NRG3: variants seen among roughly 807,000 people sequenced by gnomAD.
The protein encoded by NRG3 is pro-neuregulin-3, membrane-bound isoform.
A neutral mutation model predicts 66.9 loss-of-function variants in NRG3; 31 were observed. The observed-to-expected ratio is 0.46, with a 90% CI of 0.35 to 0.63. NRG3 has a LOEUF of 0.63. Among genes scored for constraint, NRG3 ranks in the 20% least tolerant of loss-of-function variants. The pLI, the probability that NRG3 is intolerant of heterozygous loss-of-function variation, is 0.00. For synonymous variants in NRG3, 393 were observed against 359.4 expected, an observed-to-expected ratio of 1.09 and a Z score of -1.06; for missense variants, 910 against 878.9, an observed-to-expected ratio of 1.04 and a Z score of -0.45.
At chr10:82,607,844 T>G (rs2048061541) in intron 2 of NRG3, among the ~76,000 whole-genome samples, 2 of 152,148 alleles carry the variant, frequency 1.3e-5, no homozygotes, top group Admixed American at 1.3e-4. Flanking sequence ...TTTTTTGTAT[T>G]GCAAGTACTT....
intron 2 of NRG3, among the ~76,000 whole-genome samples, chr10:82,726,308 C>A (rs141013263): frequency 0.01 from 1,537 of 152,184 alleles, 24 homozygotes; most frequent in African/African-American, 0.035. Context: ...ATAGTCATTA[C>A]CTTAGATATG....
rs535076644 is a variant in NRG3, at chr10:82,735,594, C to T, written c.954-2983C>T. 2.6e-5 allele frequency among the ~76,000 whole-genome samples: 4 copies of T among 152,274 alleles called. No homozygotes were observed. The South Asian group carries it at 6.2e-4, about 24-fold the overall frequency. On this transcript the variant is annotated intron_variant, in intron 2 of 8. Coordinates refer to ENST00000372141, the MANE Select transcript of NRG3 (RefSeq NM_001010848.4). ...ATGCAGCCATAAAAAAGAATAAGTT[C>T]GTGTCCTTTGCAGGGACATGGATGA...
chr10:82,835,337 G>T (rs1288623784), intron 3 of NRG3, among the ~76,000 whole-genome samples: 1 of 152,132 alleles, frequency 6.6e-6, no homozygotes, highest in South Asian at 2.1e-4. Context: ...CACACTCCAC[G>T]ATGAGATTCA....
chr10:82,629,118 A>G (rs1176115128), intron 2 of NRG3, among the ~76,000 whole-genome samples: 2 of 152,198 alleles, frequency 1.3e-5, no homozygotes, highest in South Asian at 2.1e-4. Flanking sequence ...GCATACTAAC[A>G]TTAGGGAGGA....
intron 1 of NRG3, among the ~76,000 whole-genome samples, chr10:81,919,934 AT>A (rs1244534526): frequency 1.3e-5 from 2 of 152,122 alleles, no homozygotes. Flanking sequence ...TTCTTTCTTG[AT>A]TTTGTTCTTC....
intron 2 of NRG3, among the ~76,000 whole-genome samples, chr10:82,709,698 A>G (rs996459471): frequency 9.9e-5 from 15 of 152,102 alleles, no homozygotes; most frequent in African/African-American, 2.9e-4. Context: ...TGGATGAGCC[A>G]CATACCATGT....
At chr10:82,491,140 T>C (rs1449532595) in intron 2 of NRG3, among the ~76,000 whole-genome samples, 1 of 151,568 alleles carries the variant, frequency 6.6e-6, no homozygotes, top group Non-Finnish European at 1.5e-5. Context: ...AGTTGCCCTA[T>C]CCCCAGATAT....
chr10:82,204,766 C>T (rs987679064), intron 1 of NRG3, among the ~76,000 whole-genome samples: 1 of 152,172 alleles, frequency 6.6e-6, no homozygotes, highest in African/African-American at 2.4e-5. Context: ...GTGCCATATG[C>T]TGTCTACTTG....
At chr10:82,919,026 A>T (rs1156647454) in intron 4 of NRG3, among the ~76,000 whole-genome samples, 1 of 151,550 alleles carries the variant, frequency 6.6e-6, no homozygotes, top group Non-Finnish European at 1.5e-5. Flanking sequence ...GGCCCCAGTA[A>T]GCCTTTTATC....
chr10:82,674,312 A>G (rs1023274337), intron 2 of NRG3, among the ~76,000 whole-genome samples: 15 of 152,256 alleles, frequency 9.9e-5, no homozygotes, highest in East Asian at 5.8e-4. Context: ...TTTCCACACT[A>G]TGTATTTTTT....
At chr10:82,223,413 G>A (rs2076027907) in intron 1 of NRG3, among the ~76,000 whole-genome samples, 1 of 152,072 alleles carries the variant, frequency 6.6e-6, no homozygotes. Context: ...TTTGGAAGAA[G>A]CTTTTCTACA....
At chr10:82,162,320 A>G (rs971427711) in intron 1 of NRG3, among the ~76,000 whole-genome samples, 19 of 152,136 alleles carry the variant, frequency 1.2e-4, no homozygotes, top group African/African-American at 4.3e-4. Context: ...TCACTCCACA[A>G]AATCACTGAG....
chr10:82,861,330 T>TAAA (rs2135921299), intron 3 of NRG3, among the ~76,000 whole-genome samples: 1 of 152,350 alleles, frequency 6.6e-6, no homozygotes, highest in East Asian at 1.9e-4. Flanking sequence ...AAATGCCATC[T>TAAA]TCCTTGAGAG....
intron 3 of NRG3, among the ~76,000 whole-genome samples, chr10:82,783,697 G>T (rs1390186013): frequency 1.3e-5 from 2 of 152,154 alleles, no homozygotes. Context: ...ACTGCTCAAT[G>T]AAGTAAAAGA....
chr10:82,769,137 T>C lies in NRG3; in HGVS notation c.1027+30487T>C, dbSNP rs562695072. Among the ~76,000 whole-genome samples, 44 of 152,236 alleles carry C rather than the reference T, an allele frequency of 2.9e-4. No homozygotes were observed. In the South Asian group the frequency reaches 9.1e-3, roughly 32 times the overall value. ...ATAAAGAAAATGGAAATAAATAGTT[T>C]GTGAAATATGGTTATCATTACCAAC... is the stretch of plus-strand genomic sequence containing the variant. On this transcript the variant is annotated intron_variant, in intron 3 of 8. Transcript: ENST00000372141.
Position 82,572,680 on chromosome 10 carries a change from C to T in NRG3, c.954-165897C>T, listed in dbSNP as rs2045811439. On this transcript the variant is annotated intron_variant, in intron 2 of 8. Coordinates refer to ENST00000372141, the MANE Select transcript of NRG3 (RefSeq NM_001010848.4). ...CTTATTCCTCTTTCTTTTCTACTTT[C>T]CCAGAAATTCTGGTAAAAGTAATGT... Among the ~76,000 whole-genome samples the T allele has an allele frequency of 2.6e-5, 4 of 150,960 alleles. No individual in the cohort carries two copies. In the South Asian group the frequency reaches 8.3e-4, roughly 31 times the overall value.
At chr10:82,252,705 T>A (rs1249187763) in intron 1 of NRG3, among the ~76,000 whole-genome samples, 1 of 152,178 alleles carries the variant, frequency 6.6e-6, no homozygotes, top group Non-Finnish European at 1.5e-5. Flanking sequence ...TCCTTAAGAT[T>A]TATCTGTGAG....
At chr10:82,347,047 T>C (rs1357222756) in intron 1 of NRG3, among the ~76,000 whole-genome samples, 2 of 151,742 alleles carry the variant, frequency 1.3e-5, no homozygotes, top group East Asian at 1.9e-4. Flanking sequence ...TTTGAAGGGT[T>C]TTTTGTGTCT....
chr10:82,308,872 G>A (rs1342599580), intron 1 of NRG3, among the ~76,000 whole-genome samples: 1 of 152,126 alleles, frequency 6.6e-6, no homozygotes, highest in Non-Finnish European at 1.5e-5. Context: ...TCCTCCACCT[G>A]ATATAGTGAA....
Sources: allele counts gnomAD v4.1 joint callset (sites outside exome capture counted in the v4.1 genomes callset), GRCh38; gene constraint gnomAD v4.1.1; transcripts MANE v1.5; gene names NCBI Gene and HGNC (gene_info 2026-07-23, HGNC 2026-07-21).